Variants in SLC9A8 observed in about 807,000 individuals in gnomAD.
SLC9A8 encodes the protein solute carrier family 9 member A8.
SLC9A8 carries 48 observed loss-of-function variants against 66.6 expected under a neutral mutation model. The ratio of observed to expected loss-of-function variants is 0.72; its 90% CI spans 0.57 to 0.92. The LOEUF is 0.92. Ranked by LOEUF, SLC9A8 falls within the 40% of genes least tolerant of loss-of-function variation. SLC9A8 has a pLI of 0.00. For synonymous variants in SLC9A8, 274 were observed against 282.6 expected, an observed-to-expected ratio of 0.97 and a Z score of 0.31; for missense variants, 599 against 747.3, an observed-to-expected ratio of 0.80 and a Z score of 2.31.
At chr20:49,830,404 C>T in intron 3 of SLC9A8, 2 of 833,608 alleles carry the variant, frequency 2.4e-6, no homozygotes, top group East Asian at 2.5e-5. Context: ...TGTGACATCA[C>T]TTTCGCCCGT....
chr20:49,830,746 TA>T, intron 3 of SLC9A8: 1 of 749,658 alleles, frequency 1.3e-6, no homozygotes, highest in Non-Finnish European at 2.4e-6. Flanking sequence ...ATGCTGATTG[TA>T]AACATAGTCC....
In SLC9A8 at chr20:49,881,022, C is replaced by A; in HGVS notation, c.1257C>A (p.Ile419=). 6.2e-7 allele frequency: 1 copy of A among 1,611,134 alleles called. No homozygotes were observed. The highest frequency in any genetic ancestry group is 8.5e-7 in the Non-Finnish European group (1 of 1,177,280). ...DHKITPKMMF[I]MWFSGLRGAI... ...AAATCACACCGAAGATGATGTTCAT[C>A]ATGTGGTTTAGTGGTAAGTCAAATC... The change falls in exon 13 of 16, where the codon ATC becomes ATA. Residue 419 remains isoleucine (I), a synonymous_variant. Transcript: ENST00000361573.
At position 49,856,807 on chromosome 20, in the gene SLC9A8, C is replaced by T. The variant is rs1275212883; in HGVS notation, c.713+1226C>T. ...ACTGGATTCCAGCCTGGTGACAGAG[C>T]GAGACTCCGTCTCAAAAAAAAAAAA... On this transcript the variant is annotated intron_variant, in intron 8 of 15. Coordinates refer to ENST00000361573, the MANE Select transcript of SLC9A8 (RefSeq NM_015266.3). Among the ~76,000 whole-genome samples, 6 of 142,868 alleles carry T rather than the reference C, an allele frequency of 4.2e-5. No individual in the cohort carries two copies. The Admixed American group carries it at 4.2e-4, about 10-fold the overall frequency. The allele number at this position is 142,868 out of a possible 152,430, so 93.7% of individuals were successfully genotyped here. A position where few individuals can be genotyped will look rare whatever the true frequency, so the allele number is the denominator to read the frequency against.
Position 49,845,051 on chromosome 20 carries a change from C to T in SLC9A8, c.364C>T (p.Arg122Cys), listed in dbSNP as rs1382415113. Residue 122 changes from arginine to cysteine, a missense_variant, in exon 5 of 16, where the codon CGT becomes TGT. Physicochemically the swap from Arg to Cys is radical, Grantham distance 180 (BLOSUM62 -3). Transcript: ENST00000361573. ...CTATTTACAGGAAGAAGAAATGTTT[C>T]GTCCAAACATGTTTTTCCTCCTCCT... ...LANWKEEEMF[R>C]PNMFFLLLLP... 6.8e-6 allele frequency: 11 copies of T among 1,611,478 alleles called. No individual in the cohort carries two copies. The highest frequency in any genetic ancestry group is 6.7e-5 in the East Asian group (3 of 44,894).
chr20:49,882,007 G>A (rs868055139), intron 13 of SLC9A8, among the ~76,000 whole-genome samples: 4 of 151,968 alleles, frequency 2.6e-5, no homozygotes, highest in South Asian at 2.1e-4. Context: ...CAGGCTCCCC[G>A]GGCTCTTGCT....
intron 8 of SLC9A8, among the ~76,000 whole-genome samples, chr20:49,861,428 C>G (rs1004351066): frequency 6.6e-6 from 1 of 152,108 alleles, no homozygotes; most frequent in Non-Finnish European, 1.5e-5. Flanking sequence ...CTTGTGGTCT[C>G]AGCTACTCTG....
At chr20:49,870,518 GA>G (rs1259487456) in intron 10 of SLC9A8, among the ~76,000 whole-genome samples, 2 of 152,158 alleles carry the variant, frequency 1.3e-5, no homozygotes, top group Non-Finnish European at 2.9e-5. Flanking sequence ...CATGCTCCAG[GA>G]AGAGAAGGAA....
At chr20:49,821,041 A>G (rs2086721801) in intron 2 of SLC9A8, among the ~76,000 whole-genome samples, 1 of 152,148 alleles carries the variant, frequency 6.6e-6, no homozygotes, top group Admixed American at 6.5e-5. Flanking sequence ...CACCTTTATC[A>G]GATATATGAT....
intron 7 of SLC9A8, 33 bp from the exon 8 acceptor site, chr20:49,855,405 T>C: frequency 6.2e-7 from 1 of 1,609,878 alleles, no homozygotes; most frequent in Non-Finnish European, 8.5e-7. Context: ...TGACACACAT[T>C]ACAGAATCTC....
At chr20:49,872,619 G>A (rs1308039221) in intron 10 of SLC9A8, among the ~76,000 whole-genome samples, 2 of 152,130 alleles carry the variant, frequency 1.3e-5, no homozygotes, top group Non-Finnish European at 2.9e-5. Context: ...CAGAGTAGCT[G>A]GGATTACAGG....
intron 3 of SLC9A8, chr20:49,830,861 C>T (rs1360762892): frequency 2.8e-6 from 4 of 1,437,618 alleles, no homozygotes; most frequent in Admixed American, 1.7e-5. Context: ...GACAGTTGGC[C>T]AGCATCTTCC....
intron 7 of SLC9A8, among the ~76,000 whole-genome samples, chr20:49,852,113 C>T (rs1045800593): frequency 3.3e-5 from 5 of 152,224 alleles, no homozygotes; most frequent in South Asian, 2.1e-4. Flanking sequence ...GCTCTGGGGT[C>T]GCAAACCCAC....
At chr20:49,839,743 G>T (rs530148438) in intron 4 of SLC9A8, 144 bp downstream of exon 4, 2 of 445,766 alleles carry the variant, frequency 4.5e-6, no homozygotes, top group East Asian at 3.6e-5. Flanking sequence ...TTAGATACAG[G>T]TTGATGCCTT....
chr20:49,827,504 T>C (rs1156576500), intron 3 of SLC9A8, among the ~76,000 whole-genome samples: 1 of 148,786 alleles, frequency 6.7e-6, no homozygotes, highest in Middle Eastern at 3.2e-3. Flanking sequence ...TTCAGGAGGA[T>C]GGGGCAGGAG....
intron 3 of SLC9A8, among the ~76,000 whole-genome samples, chr20:49,827,558 C>T (rs988730218): frequency 2.2e-4 from 33 of 149,094 alleles, no homozygotes; most frequent in Admixed American, 1.5e-3. Flanking sequence ...GAGCTGAGAT[C>T]GTGCCACTGC....
intron 2 of SLC9A8, among the ~76,000 whole-genome samples, chr20:49,815,774 T>A (rs2086528529): frequency 6.6e-6 from 1 of 151,314 alleles, no homozygotes; most frequent in African/African-American, 2.4e-5. Flanking sequence ...AACATCTAGT[T>A]TAATGGATTT....
At chr20:49,871,694 C>T (rs1030251532) in intron 10 of SLC9A8, among the ~76,000 whole-genome samples, 5 of 152,158 alleles carry the variant, frequency 3.3e-5, no homozygotes, top group Non-Finnish European at 4.4e-5. Flanking sequence ...TCTTTCCTTT[C>T]GCCTAGAACT....
intron 3 of SLC9A8, among the ~76,000 whole-genome samples, chr20:49,834,403 GTGTA>G (rs2087416410): frequency 6.7e-5 from 3 of 44,550 alleles, no homozygotes; most frequent in East Asian, 6.0e-4. Flanking sequence ...TATATATACT[GTGTA>G]TATATATATA....
At chr20:49,887,709 C>A in intron 15 of SLC9A8, 120 bp from the exon 16 acceptor site, 1 of 690,418 alleles carries the variant, frequency 1.4e-6, no homozygotes, top group Non-Finnish European at 2.5e-6. Flanking sequence ...TTGCCTGTGG[C>A]CATCACCCTG....
Sources: gnomAD v4.1 joint callset for allele counts (sites outside exome capture counted in the v4.1 genomes callset) on GRCh38, gnomAD v4.1.1 for gene constraint, MANE v1.5 for transcripts, NCBI Gene and HGNC (gene_info 2026-07-23, HGNC 2026-07-21) for gene names.